Variants in DUSP26 observed in about 807,000 individuals in gnomAD.
DUSP26 encodes the protein dual specificity protein phosphatase 26.
A neutral mutation model predicts 20.0 loss-of-function variants in DUSP26; 12 were observed. The observed-to-expected ratio is 0.60, with a 90% CI of 0.38 to 0.97. The LOEUF is 0.97. DUSP26 is among the 50% of genes least tolerant of loss of function. The pLI is 0.00. For synonymous variants in DUSP26, 120 were observed against 118.8 expected, an observed-to-expected ratio of 1.01 and a Z score of -0.06; for missense variants, 230 against 294.0, an observed-to-expected ratio of 0.78 and a Z score of 1.59.
At chr8:33,593,430 G>A (rs907094781) in intron 3 of DUSP26, 103 bp downstream of exon 3, 6 of 1,285,948 alleles carry the variant, frequency 4.7e-6, no homozygotes, top group Non-Finnish European at 6.5e-6. Flanking sequence ...AAGATCCTGA[G>A]CATTTTGTCA....
At chr8:33,596,665 G>A (rs1811154522) in intron 2 of DUSP26, among the ~76,000 whole-genome samples, 1 of 152,112 alleles carries the variant, frequency 6.6e-6, no homozygotes, top group Non-Finnish European at 1.5e-5. Flanking sequence ...GGAGAGAAGT[G>A]GGGATGGCTC....
At chr8:33,597,681 G>A (rs768662266) in intron 1 of DUSP26, 90 bp from the exon 2 acceptor site, 10 of 611,252 alleles carry the variant, frequency 1.6e-5, no homozygotes, top group African/African-American at 3.7e-5. Flanking sequence ...GAAGATTCTC[G>A]AGGGAGAGAA....
intron 3 of DUSP26, 147 bp downstream of exon 3, chr8:33,593,386 A>G (rs1272718780): frequency 9.5e-6 from 9 of 944,348 alleles, no homozygotes; most frequent in African/African-American, 1.7e-5. Flanking sequence ...TGCTTTAAAA[A>G]AATGGTTGAG....
Position 33,593,669 on chromosome 8 carries a change from T to C in DUSP26, c.300A>G (p.Arg100=). The change falls in exon 3 of 4, where the codon CGA becomes CGG. Residue 100 remains arginine, a synonymous_variant. Coordinates refer to ENST00000256261, the MANE Select transcript of DUSP26 (RefSeq NM_024025.3). ...GCCCCTCATAGGCCTCGGGCGTGCC[T>C]CGCCACCGGCTGTGTGAGGCATTGA... The part of the protein sequence containing the change: ...HVLNASHSRW[R]GTPEAYEGLG... 1 of 1,614,132 alleles carries C rather than the reference T, an allele frequency of 6.2e-7. No individual in the cohort carries two copies. Among genetic ancestry groups the C allele is most frequent in the Non-Finnish European group, 8.5e-7 (1 of 1,180,032 alleles).
At chr8:33,598,246 T>G (rs1811196502) in intron 1 of DUSP26, among the ~76,000 whole-genome samples, 1 of 152,078 alleles carries the variant, frequency 6.6e-6, no homozygotes, top group Non-Finnish European at 1.5e-5. Flanking sequence ...AATAAATACT[T>G]GCTGAATGCA....
rs913675975 is a variant in DUSP26 at position 33,599,889 on chromosome 8, G to A, written c.-301C>T. On this transcript the variant is annotated 5_prime_UTR_variant, in exon 1 of 4. Transcript: ENST00000256261. ...GACTCGGTCTCACATTCGGTGGCCC[G>A]AGTCGCCAGGCAGCGTGGGCTCCCC... The A allele has an allele frequency of 6.6e-6, 1 of 152,114 alleles. No homozygotes were observed. Among genetic ancestry groups the A allele is most frequent in the Non-Finnish European group, 1.5e-5 (1 of 68,034 alleles). 9.4% of individuals were successfully genotyped at this position (152,114 alleles called of 1,614,324 possible). A position where few individuals can be genotyped will look rare whatever the true frequency, so the allele number is the denominator to read the frequency against.
intron 2 of DUSP26, among the ~76,000 whole-genome samples, chr8:33,596,698 A>G (rs16881114): frequency 0.011 from 1,650 of 152,296 alleles, 36 homozygotes; most frequent in African/African-American, 0.036. Flanking sequence ...TTTTCTCTCC[A>G]TAGCCTTCAA....
rs138833176 is a variant in DUSP26, at chr8:33,593,606, C to T, written c.363G>A (p.Ser121=). 32 of 1,614,018 alleles carry T rather than the reference C, an allele frequency of 2.0e-5. No homozygotes were observed. The highest frequency in any genetic ancestry group is 4.5e-5 in the East Asian group (2 of 44,892). The part of the protein sequence containing the change: ...IRYLGVEAHD[S]PAFDMSIHFQ... ...AGTGGATGCTCATGTCAAAGGCTGG[C>T]GAGTCGTGGGCCTCAACACCCAGGT... The change falls in exon 3 of 4, where the codon TCG becomes TCA. Residue 121 remains serine, a synonymous_variant. Transcript: ENST00000256261.
At chr8:33,594,684 G>A (rs1489979449) in intron 2 of DUSP26, among the ~76,000 whole-genome samples, 2 of 151,750 alleles carry the variant, frequency 1.3e-5, no homozygotes, top group Non-Finnish European at 2.9e-5. Context: ...GGTACAATGA[G>A]GATCAAGGAA....
intron 1 of DUSP26, among the ~76,000 whole-genome samples, 189 bp downstream of exon 1, chr8:33,599,476 C>T (rs1331419287): frequency 6.6e-6 from 1 of 152,212 alleles, no homozygotes. Flanking sequence ...TGGCTGTCGC[C>T]CCAGTCCTCG....
intron 2 of DUSP26, among the ~76,000 whole-genome samples, chr8:33,594,395 A>G (rs930313320): frequency 4.6e-5 from 7 of 151,878 alleles, no homozygotes; most frequent in African/African-American, 1.7e-4. Flanking sequence ...GATCAAGACC[A>G]TCATAGCTAA....
rs970112181 is a variant in DUSP26, at chr8:33,593,909, T to C, written c.222-162A>G. Among the ~76,000 whole-genome samples the C allele has an allele frequency of 1.6e-4, 25 of 152,108 alleles. 1 individual carries two copies. The highest frequency in any genetic ancestry group is 5.6e-4 in the African/African-American group (23 of 41,422). ...CAGAGTGCTCACTGCCACCTCCATCTCCTGGGTTCAAACGATTCTCCTGCC... is the reference window on the plus strand; with the variant it reads ...CAGAGTGCTCACTGCCACCTCCATCCCCTGGGTTCAAACGATTCTCCTGCC... On this transcript the variant is annotated intron_variant, in intron 2 of 3. Transcript: ENST00000256261.
At chr8:33,592,538 C>CAAAAAAAAAAAAAAAAAAA (rs745687703) in intron 3 of DUSP26, among the ~76,000 whole-genome samples, 2 of 23,768 alleles carry the variant, frequency 8.4e-5, no homozygotes, top group African/African-American at 3.4e-4. Flanking sequence ...AACCCCATCT[C>CAAAAAAAAAAAAAAAAAAA]AAAAAAAAAA....
In DUSP26 at chr8:33,593,659, C is replaced by T. The variant is rs751327813; in HGVS notation, c.310G>A (p.Glu104Lys). 1.1e-5 allele frequency: 18 copies of T among 1,614,028 alleles called. No individual in the cohort carries two copies. Among genetic ancestry groups the T allele is most frequent in the South Asian group, 6.6e-5 (6 of 91,092 alleles). Residue 104 changes from glutamate (E) to lysine (K), a missense_variant, in exon 3 of 4, where the codon GAG (glutamate) becomes AAG (lysine). Coordinates refer to ENST00000256261, the MANE Select transcript of DUSP26 (RefSeq NM_024025.3). ...ASHSRWRGTP[E>K]AYEGLGIRYL... ...CGGATGCCCAGCCCCTCATAGGCCT[C>T]GGGCGTGCCTCGCCACCGGCTGTGT...
chr8:33,595,358 T>TG (rs1554536719), intron 2 of DUSP26, among the ~76,000 whole-genome samples: 26 of 151,158 alleles, frequency 1.7e-4, no homozygotes, highest in African/African-American at 3.4e-4. Context: ...TGTGTTTTTT[T>TG]TTGTTGTTGT....
rs758531240 is a variant in DUSP26, at chr8:33,597,261, G to C, written c.221+34C>G. On this transcript the variant is annotated intron_variant, in intron 2 of 3. Transcript: ENST00000256261. The stretch of plus-strand genomic sequence containing the variant: ...TTCTTACACACACAAACACACACAC[G>C]CTCTACCGTGGGCCCAGTCTGCCCG... 4 of 1,558,058 alleles carry C rather than the reference G, an allele frequency of 2.6e-6. No individual in the cohort carries two copies. In the African/African-American group the frequency reaches 4.1e-5, roughly 16 times the overall value.
chr8:33,598,895 C>T (rs1811210020), intron 1 of DUSP26, among the ~76,000 whole-genome samples: 1 of 152,194 alleles, frequency 6.6e-6, no homozygotes, highest in Non-Finnish European at 1.5e-5. Flanking sequence ...AGTGAGAGGC[C>T]ATCTTTGTCC....
intron 1 of DUSP26, among the ~76,000 whole-genome samples, chr8:33,598,663 A>G (rs1811205884): frequency 2.0e-5 from 3 of 152,124 alleles, no homozygotes; most frequent in Non-Finnish European, 2.9e-5. Context: ...TGTGTCTCAG[A>G]TTACCTGTTG....
At chr8:33,593,396 GATA>G (rs1030018157) in intron 3 of DUSP26, 134 bp downstream of exon 3, 2 of 989,022 alleles carry the variant, frequency 2.0e-6, no homozygotes, top group African/African-American at 3.3e-5. Flanking sequence ...AAATGGTTGA[GATA>G]ATATTTTTTT....
Sources: allele counts gnomAD v4.1 joint callset (sites outside exome capture counted in the v4.1 genomes callset), GRCh38; gene constraint gnomAD v4.1.1; transcripts MANE v1.5; gene names NCBI Gene and HGNC (gene_info 2026-07-23, HGNC 2026-07-21).